The following DNAJB6 variants were observed in gnomAD, a reference collection of about 807,000 sequenced individuals.
The protein encoded by DNAJB6 is dnaJ homolog subfamily B member 6.
A neutral mutation model predicts 42.7 loss-of-function variants in DNAJB6; 16 were observed. The ratio of observed to expected loss-of-function variants is 0.37; its 90% CI spans 0.25 to 0.57. The LOEUF (loss-of-function observed/expected upper bound fraction) is 0.57, where lower values mean the gene tolerates loss of function less well. Among genes scored for constraint, DNAJB6 ranks in the 20% least tolerant of loss-of-function variants. The probability of loss-of-function intolerance (pLI) is 0.74; values close to 1 mark genes in which losing one functional copy is unlikely to be tolerated. For synonymous variants in DNAJB6, 170 were observed against 163.5 expected (o/e 1.04, Z -0.30); for missense variants, 347 against 416.8 (o/e 0.83, Z 1.46).
chr7:157,337,877 G>T (rs916462658), intron 1 of DNAJB6: 1 of 152,088 alleles, frequency 6.6e-6, no homozygotes, highest in Non-Finnish European at 1.5e-5. Context: ...TGGCACTAGC[G>T]AATTTTTTAA....
At chr7:157,341,081 C>CA (rs1283553257) in intron 1 of DNAJB6, among the ~76,000 whole-genome samples, 5 of 152,016 alleles carry the variant, frequency 3.3e-5, no homozygotes, top group Admixed American at 2.0e-4. Flanking sequence ...CCCGGCCTGT[C>CA]AAAGTGCTAG....
intron 1 of DNAJB6, among the ~76,000 whole-genome samples, chr7:157,349,044 T>A (rs1798836712): frequency 6.6e-6 from 1 of 151,860 alleles, no homozygotes; most frequent in Non-Finnish European, 1.5e-5. Flanking sequence ...TCTTTTTAAA[T>A]TTTTTTTTAT....
At chr7:157,355,215 G>T (rs912996314) in intron 1 of DNAJB6, among the ~76,000 whole-genome samples, 1 of 152,108 alleles carries the variant, frequency 6.6e-6, no homozygotes, top group Non-Finnish European at 1.5e-5. Context: ...GTGCAGTGGC[G>T]CGGGCGCGAT....
chr7:157,349,679 C>T (rs971834861), intron 1 of DNAJB6, among the ~76,000 whole-genome samples: 1 of 152,112 alleles, frequency 6.6e-6, no homozygotes, highest in Non-Finnish European at 1.5e-5. Context: ...GAGTCTCACT[C>T]TGTCATCCAG....
At chr7:157,339,191 T>G (rs1392968689) in intron 1 of DNAJB6, among the ~76,000 whole-genome samples, 1 of 152,002 alleles carries the variant, frequency 6.6e-6, no homozygotes, top group African/African-American at 2.4e-5. Context: ...TAACTCTGTT[T>G]TGGACAGTGG....
chr7:157,407,102 G>T (rs976468551), intron 8 of DNAJB6, among the ~76,000 whole-genome samples: 2 of 152,254 alleles, frequency 1.3e-5, no homozygotes, highest in East Asian at 1.9e-4. Flanking sequence ...TGGGAGGTGG[G>T]GGGGGTCCCA....
At chr7:157,375,985 G>A (rs891446858) in intron 5 of DNAJB6, among the ~76,000 whole-genome samples, 9 of 152,144 alleles carry the variant, frequency 5.9e-5, no homozygotes, top group African/African-American at 1.9e-4. Context: ...TTGACAGTGG[G>A]TCCTGAAATC....
chr7:157,369,346 T>A, intron 5 of DNAJB6: 1 of 456,718 alleles, frequency 2.2e-6, no homozygotes, highest in Non-Finnish European at 4.4e-6. Context: ...CAAACTGCAT[T>A]TGTTGCTTTG....
At chr7:157,339,333 G>T (rs536667561) in intron 1 of DNAJB6, among the ~76,000 whole-genome samples, 1 of 117,766 alleles carries the variant, frequency 8.5e-6, no homozygotes, top group Non-Finnish European at 1.6e-5. Context: ...TTGCTCTGTC[G>T]CCCAGGCCGT....
chr7:157,358,242 G>T (rs1799407667), intron 1 of DNAJB6, among the ~76,000 whole-genome samples: 1 of 152,198 alleles, frequency 6.6e-6, no homozygotes, highest in South Asian at 2.1e-4. Context: ...GACTTTGTCA[G>T]CTAGTGGTCA....
chr7:157,350,723 T>C (rs1229143112), intron 1 of DNAJB6, among the ~76,000 whole-genome samples: 1 of 151,406 alleles, frequency 6.6e-6, no homozygotes, highest in East Asian at 1.9e-4. Flanking sequence ...GGAGTCTTAC[T>C]CTGTCTCCCA....
intron 6 of DNAJB6, 81 bp downstream of exon 6, chr7:157,382,458 T>A: frequency 6.8e-7 from 1 of 1,460,666 alleles, no homozygotes; most frequent in Non-Finnish European, 9.2e-7. Context: ...TTAGTTAGAG[T>A]GCTTTAAAAT....
chr7:157,371,990 C>T (rs1002056765), intron 5 of DNAJB6, among the ~76,000 whole-genome samples: 4 of 152,156 alleles, frequency 2.6e-5, no homozygotes, highest in African/African-American at 7.2e-5. Context: ...CACTGTGGTA[C>T]GAATGATGCT....
At chr7:157,362,287 A>C (rs1333192121) in intron 2 of DNAJB6, among the ~76,000 whole-genome samples, 1 of 152,160 alleles carries the variant, frequency 6.6e-6, no homozygotes, top group Admixed American at 6.5e-5. Context: ...GGGCTGGCTG[A>C]GGAAGTAGGG....
At chr7:157,387,229 C>A (rs191419157) in intron 8 of DNAJB6, among the ~76,000 whole-genome samples, 1 of 152,128 alleles carries the variant, frequency 6.6e-6, no homozygotes, top group Non-Finnish European at 1.5e-5. Context: ...AGCATAGCAA[C>A]AGTTAAGTAA....
chr7:157,356,857 G>A (rs1799302916), intron 1 of DNAJB6, among the ~76,000 whole-genome samples: 1 of 152,090 alleles, frequency 6.6e-6, no homozygotes. Context: ...TAGAATCTTT[G>A]CTGTCATGTA....
chr7:157,385,080 C>A, intron 7 of DNAJB6, 72 bp downstream of exon 7: 1 of 1,501,210 alleles, frequency 6.7e-7, no homozygotes, highest in Non-Finnish European at 9.1e-7. Flanking sequence ...TGTTGCACGT[C>A]TCCCAGAGTG....
intron 5 of DNAJB6, among the ~76,000 whole-genome samples, chr7:157,369,996 CTTCTTAACATTATTATTAAAGAGGCCCT>C (rs1246366224): frequency 1.5e-3 from 210 of 143,820 alleles, no homozygotes; most frequent in African/African-American, 5.0e-3. Flanking sequence ...AAACAGGCCC[CTTCTTAACATTATTATTAAAGAGGCCCT>C]TTCTTAACAT....
intron 8 of DNAJB6, among the ~76,000 whole-genome samples, chr7:157,402,675 C>T (rs1032632233): frequency 6.6e-6 from 1 of 152,202 alleles, no homozygotes; most frequent in African/African-American, 2.4e-5. Context: ...GGGACGTAGG[C>T]CCCAGTCATC....
Sources: gnomAD v4.1 joint callset for allele counts (sites outside exome capture counted in the v4.1 genomes callset) on GRCh38, gnomAD v4.1.1 for gene constraint, MANE v1.5 for transcripts, NCBI Gene and HGNC (gene_info 2026-07-23, HGNC 2026-07-21) for gene names.